Variants in ZBBX observed in about 807,000 individuals in gnomAD.
The protein encoded by ZBBX is zinc finger B-box domain-containing protein 1.
In ZBBX, 101 loss-of-function variants were observed where a neutral mutation model predicts 108.5. The observed-to-expected ratio is 0.93, with a 90% confidence interval of 0.79 to 1.10. The LOEUF is 1.10. ZBBX is among the 50% of genes least tolerant of loss of function. The pLI is 0.00. For synonymous variants in ZBBX, 356 were observed against 323.4 expected (o/e 1.10, Z -1.08); for missense variants, 1,009 against 941.4 (o/e 1.07, Z -0.94).
At chr3:167,233,570 C>T in the ZBBX span, among the ~76,000 whole-genome samples, 1 of 151,702 alleles carries the variant, frequency 6.6e-6, no homozygotes, top group African/African-American at 2.4e-5. Flanking sequence ...ACTGTTATTT[C>T]CCCTTGAGGC....
intron 1 of ZBBX, among the ~76,000 whole-genome samples, chr3:167,396,775 T>G (rs1324515817): frequency 1.3e-5 from 2 of 151,980 alleles, no homozygotes; most frequent in Non-Finnish European, 2.9e-5. Flanking sequence ...CTTGCCCTTT[T>G]CTTCCTGAGA....
In ZBBX at chr3:167,316,992, C is replaced by T. The variant is rs1735568993; in HGVS notation, c.1194+13G>A. The T allele has an allele frequency of 1.3e-6, 2 of 1,508,338 alleles. No individual in the cohort carries two copies. Among genetic ancestry groups the T allele is most frequent in the South Asian group, 1.2e-5 (1 of 85,732 alleles). The allele number at this position is 1,508,338 out of a possible 1,614,324, so 93.4% of individuals were successfully genotyped here. ...AAAAATCATGAATGGTCATTATGCA[C>T]TTATGCACTTACATCATCCAGTTCG... On this transcript the variant is annotated intron_variant, in intron 14 of 21. Transcript: ENST00000675490.
chr3:167,392,284 T>C (rs903541858), intron 1 of ZBBX, among the ~76,000 whole-genome samples: 2 of 151,892 alleles, frequency 1.3e-5, no homozygotes, highest in Non-Finnish European at 2.9e-5. Flanking sequence ...TATAACATAA[T>C]TTATTTATAT....
intron 1 of ZBBX, among the ~76,000 whole-genome samples, chr3:167,403,695 AT>A (rs1748495537): frequency 6.6e-6 from 1 of 152,114 alleles, no homozygotes; most frequent in Admixed American, 6.6e-5. Flanking sequence ...CCTCTATGAT[AT>A]GTGAGGTGGA....
At chr3:167,291,100 C>T (rs1239838029) in intron 18 of ZBBX, among the ~76,000 whole-genome samples, 6 of 152,012 alleles carry the variant, frequency 3.9e-5, no homozygotes, top group African/African-American at 9.6e-5. Flanking sequence ...CTCAAAGTGA[C>T]GGGGAGAATG....
rs201280383 is a variant in ZBBX, at chr3:167,328,045, G to A, written c.759C>T (p.Phe253=). The A allele has an allele frequency of 1.6e-4, 259 of 1,612,982 alleles. 1 individual carries two copies. Among genetic ancestry groups the A allele is most frequent in the Admixed American group, 1.2e-4 (7 of 59,866 alleles). The part of the protein sequence containing the change: ...PRKSLLCEGS[F]DEEASAQSFQ... ...AGGACTGTGCAGAAGCTTCTTCATC[G>A]AATGACCCTTCACACAACAGACTCT... Residue 253 remains phenylalanine (F), a synonymous_variant, in exon 11 of 22, where the codon TTC becomes TTT. Transcript: ENST00000675490.
the ZBBX span, among the ~76,000 whole-genome samples, chr3:167,203,705 G>A: frequency 3.3e-5 from 5 of 151,940 alleles, no homozygotes; most frequent in Admixed American, 3.3e-4. Flanking sequence ...ATCTTTATAA[G>A]CAATTATCTT....
intron 13 of ZBBX, 105 bp downstream of exon 13, chr3:167,317,383 G>T (rs918812216): frequency 3.5e-5 from 29 of 824,672 alleles, no homozygotes; most frequent in Non-Finnish European, 5.4e-5. Context: ...TGGTACAACT[G>T]AGAATAATAT....
At chr3:167,276,685 G>A (rs1727653628) in intron 20 of ZBBX, among the ~76,000 whole-genome samples, 1 of 152,190 alleles carries the variant, frequency 6.6e-6, no homozygotes, top group African/African-American at 2.4e-5. Flanking sequence ...ATATTATCCA[G>A]GAGAACTTCC....
At chr3:167,366,246 A>G (rs940278595) in intron 5 of ZBBX, among the ~76,000 whole-genome samples, 12 of 151,946 alleles carry the variant, frequency 7.9e-5, no homozygotes, top group Non-Finnish European at 2.9e-5. Context: ...TGATATTCAC[A>G]ATGACTAAAG....
At position 167,407,339 on chromosome 3, in the gene ZBBX, TC is replaced by T. The variant is rs1342215849; in HGVS notation, c.-446+386del. Among the ~76,000 whole-genome samples the T allele has an allele frequency of 1.4e-4, 22 of 152,292 alleles. No homozygotes were observed. In the South Asian group the frequency reaches 3.5e-3, roughly 24 times the overall value. ...TAGGTAGAAATGTCCAATGCTAATGTCCATACCTCTATGCCTTTTCCAGTTG... is the reference window on the plus strand; with the variant it reads ...TAGGTAGAAATGTCCAATGCTAATGTCATACCTCTATGCCTTTTCCAGTTG... On this transcript the variant is annotated intron_variant, in intron 1 of 21. Transcript: ENST00000455345.
intron 20 of ZBBX, among the ~76,000 whole-genome samples, chr3:167,281,622 A>G (rs1373962540): frequency 1.3e-5 from 2 of 152,188 alleles, no homozygotes; most frequent in Admixed American, 6.5e-5. Flanking sequence ...AGACCTTTAC[A>G]TGTTCAAGAA....
the ZBBX span, among the ~76,000 whole-genome samples, chr3:167,214,735 T>C: frequency 6.6e-6 from 1 of 152,074 alleles, no homozygotes; most frequent in South Asian, 2.1e-4. Context: ...AACACGTACT[T>C]GGACATAAAA....
chr3:167,375,130 A>G (rs750788463), intron 2 of ZBBX, among the ~76,000 whole-genome samples: 7 of 152,240 alleles, frequency 4.6e-5, no homozygotes, highest in Non-Finnish European at 8.8e-5. Context: ...AAGGAAGGAC[A>G]GCACCAAAAC....
At chr3:167,320,579 A>C (rs973858154) in intron 12 of ZBBX, among the ~76,000 whole-genome samples, 1 of 152,160 alleles carries the variant, frequency 6.6e-6, no homozygotes, top group East Asian at 1.9e-4. Flanking sequence ...AGTTTAAGGG[A>C]AAACAGAGTT....
chr3:167,399,607 AG>A (rs1380875170), intron 1 of ZBBX: 1 of 152,178 alleles, frequency 6.6e-6, no homozygotes, highest in East Asian at 1.9e-4. Flanking sequence ...TTTATGCCAT[AG>A]GGGGAGACCT....
At chr3:167,300,061 A>T (rs137971634) in intron 17 of ZBBX, among the ~76,000 whole-genome samples, 14 of 152,258 alleles carry the variant, frequency 9.2e-5, no homozygotes, top group African/African-American at 3.4e-4. Context: ...AACCTTTGGC[A>T]CTCAGCTTAA....
At chr3:167,325,961 C>T (rs942567314) in intron 11 of ZBBX, among the ~76,000 whole-genome samples, 2 of 152,040 alleles carry the variant, frequency 1.3e-5, no homozygotes, top group Admixed American at 6.6e-5. Context: ...AGAGTACAAC[C>T]AACACAGTAA....
intron 10 of ZBBX, among the ~76,000 whole-genome samples, chr3:167,328,740 G>A (rs1336216241): frequency 6.6e-6 from 1 of 152,108 alleles, no homozygotes; most frequent in Non-Finnish European, 1.5e-5. Flanking sequence ...CCCAATGCCT[G>A]GAATGAGCCT....
Sources: gnomAD v4.1 joint callset for allele counts (sites outside exome capture counted in the v4.1 genomes callset) on GRCh38, gnomAD v4.1.1 for gene constraint, MANE v1.5 for transcripts, NCBI Gene and HGNC (gene_info 2026-07-23, HGNC 2026-07-21) for gene names.